Variants in MAEL observed in about 807,000 individuals in gnomAD.
MAEL encodes maelstrom spermatogenic transposon silencer, also known as protein maelstrom homolog.
A neutral mutation model predicts 62.0 loss-of-function variants in MAEL; 46 were observed. That is an observed-to-expected ratio of 0.74 (90% CI 0.59 to 0.95). The LOEUF is 0.95. MAEL is among the 40% of genes least tolerant of loss of function. MAEL has a pLI of 0.00. For missense variants in MAEL, 497 were observed against 526.8 expected (o/e 0.94, Z 0.55); for synonymous variants, 172 against 175.5 (o/e 0.98, Z 0.16).
chr1:167,003,546 T>C (rs886369972), intron 5 of MAEL, among the ~76,000 whole-genome samples: 1 of 152,204 alleles, frequency 6.6e-6, no homozygotes, highest in African/African-American at 2.4e-5. Context: ...CTAGAAGCTG[T>C]TAAAAGCACT....
upstream of MAEL, among the ~76,000 whole-genome samples, chr1:166,985,588 T>C (rs1260347183): frequency 2.0e-5 from 3 of 152,150 alleles, no homozygotes; most frequent in Non-Finnish European, 4.4e-5. Context: ...AAATTAGCCT[T>C]AAAGATTGCT....
At chr1:166,983,856 G>T (rs1374254137) in intron 1 of MAEL, among the ~76,000 whole-genome samples, 3 of 151,942 alleles carry the variant, frequency 2.0e-5, no homozygotes, top group Non-Finnish European at 4.4e-5. Context: ...ACAAAAATTA[G>T]CTGGGCATGG....
chr1:167,008,051 T>G (rs1331019954), intron 8 of MAEL, among the ~76,000 whole-genome samples: 3 of 152,138 alleles, frequency 2.0e-5, no homozygotes, highest in Non-Finnish European at 4.4e-5. Context: ...TATTCAGAAG[T>G]GTCACTTTAT....
chr1:166,994,111 A>C (rs761128954), intron 5 of MAEL, 42 bp downstream of exon 5: 2 of 1,532,236 alleles, frequency 1.3e-6, no homozygotes, highest in Non-Finnish European at 1.8e-6. Flanking sequence ...ACTTGAATCT[A>C]TTCATACCTG....
At chr1:166,983,436 T>C (rs1663818987) in intron 1 of MAEL, among the ~76,000 whole-genome samples, 1 of 152,182 alleles carries the variant, frequency 6.6e-6, no homozygotes, top group East Asian at 1.9e-4. Context: ...TTAAATACCA[T>C]CTTTATGTGG....
At position 166,989,369 on chromosome 1, in the gene MAEL, C is replaced by A. The variant is rs1664056413; in HGVS notation, c.17C>A (p.Ala6Asp). The A allele has an allele frequency of 6.2e-7, 1 of 1,610,064 alleles. No homozygotes were observed. ...CGCGCTGCCATGCCGAACCGTAAGG[C>A]CAGCCGGAATGCTTACTATTTCTTC... MPNRK[A>D]SRNAYYFFVQ... Residue 6 changes from alanine (A) to aspartate (D), a missense_variant, in exon 1 of 12, where the codon GCC becomes GAC. Physicochemically the swap from Ala to Asp is moderately radical, Grantham distance 126 (BLOSUM62 -2). Transcript: ENST00000367872.
chr1:166,992,818 AT>A lies in MAEL; in HGVS notation c.461del (p.Phe154SerfsTer5). 1 of 1,600,540 alleles carries A rather than the reference AT, an allele frequency of 6.2e-7. No homozygotes were observed. The highest frequency in any genetic ancestry group is 8.5e-7 in the Non-Finnish European group (1 of 1,175,686). On this transcript the variant is annotated frameshift_variant, in exon 4 of 12. Coordinates refer to ENST00000367872, the MANE Select transcript of MAEL (RefSeq NM_032858.3). LOFTEE classifies it high-confidence loss of function. ...TCTCTCCAAGAAGGTATTATGGCAG[AT>A]TTCCACAGTTTTATAAATCCTGGTA... ...KYSLQEGIMADFHSFINPGEI... is the reference protein window; with the variant it reads ...KYSLQEGIMAXFHSFINPGEI...
rs369981337 is a variant in MAEL, at chr1:167,005,268, A to C, written c.716A>C (p.Asp239Ala). The stretch of plus-strand genomic sequence containing the variant: ...TTACTAATGGAAGAAATCAGGCAAG[A>C]TCTACAACTTCTCACTGTAGAGGAC... ...HMAKASEIRQ[D>A]LQLLTVEDLV... is the part of the protein sequence containing the mutation. Residue 239 changes from aspartate to alanine, a missense_variant, in exon 8 of 12, where the codon GAT becomes GCT. Asp to Ala is a moderately radical substitution (Grantham distance 126, BLOSUM62 -2). Transcript: ENST00000367872. The C allele has an allele frequency of 1.1e-5, 17 of 1,613,138 alleles. No homozygotes were observed. Among genetic ancestry groups the C allele is most frequent in the Non-Finnish European group, 1.4e-5 (16 of 1,179,680 alleles).
chr1:167,013,288 G>A (rs1665246484), intron 8 of MAEL, among the ~76,000 whole-genome samples: 1 of 152,186 alleles, frequency 6.6e-6, no homozygotes, highest in Admixed American at 6.5e-5. Flanking sequence ...ACGTAGATGA[G>A]ATCACCTCGG....
chr1:166,990,971 A>G (rs1358036730), intron 2 of MAEL, among the ~76,000 whole-genome samples: 1 of 152,234 alleles, frequency 6.6e-6, no homozygotes, highest in Non-Finnish European at 1.5e-5. Context: ...AACTAAAGCT[A>G]TGGTGTATGT....
rs143519813 is a variant in MAEL, at chr1:167,004,421, C to T, written c.648+117C>T. 477 of 884,930 alleles carry T rather than the reference C, an allele frequency of 5.4e-4. 5 individuals are homozygous for T. In the African/African-American group the frequency reaches 7.5e-3, roughly 14 times the overall value. The allele number at this position is 884,930 out of a possible 1,614,324, so 54.8% of individuals were successfully genotyped here. A position where few individuals can be genotyped will look rare whatever the true frequency, so the allele number is the denominator to read the frequency against. On this transcript the variant is annotated intron_variant, in intron 6 of 11. Coordinates refer to ENST00000367872, the MANE Select transcript of MAEL (RefSeq NM_032858.3). ...TGTATATTGTGTGTCTTAAAACACA[C>T]TCATTTTGAATTGTTTTGAATGTAA...
At chr1:167,010,105 C>G (rs1016472074) in intron 8 of MAEL, among the ~76,000 whole-genome samples, 1 of 152,084 alleles carries the variant, frequency 6.6e-6, no homozygotes, top group Admixed American at 6.6e-5. Context: ...GGCGGTTCCC[C>G]CATGCTGTTC....
chr1:166,981,424 T>C (rs1257916482), intron 1 of MAEL, among the ~76,000 whole-genome samples: 2 of 152,150 alleles, frequency 1.3e-5, no homozygotes, highest in Non-Finnish European at 2.9e-5. Context: ...CGAATATGAA[T>C]TCAAAGATGA....
At chr1:167,017,749 G>C in intron 9 of MAEL, 78 bp from the exon 10 acceptor site, 1 of 1,377,988 alleles carries the variant, frequency 7.3e-7, no homozygotes. Flanking sequence ...CTTTCTTTTT[G>C]TTAGAGATTT....
intron 6 of MAEL, among the ~76,000 whole-genome samples, chr1:167,004,654 A>T (rs1250099112): frequency 6.6e-6 from 1 of 152,154 alleles, no homozygotes; most frequent in Non-Finnish European, 1.5e-5. Flanking sequence ...TTTTCTTCAA[A>T]ACTGTCTTTG....
intron 5 of MAEL, among the ~76,000 whole-genome samples, chr1:166,994,974 AT>A (rs944951589): frequency 5.0e-3 from 555 of 110,180 alleles, no homozygotes; most frequent in African/African-American, 0.011. Flanking sequence ...CCACCCAGTA[AT>A]TTTTTTTTTT....
intron 10 of MAEL, among the ~76,000 whole-genome samples, chr1:167,020,660 G>T (rs994567065): frequency 2.6e-5 from 4 of 151,844 alleles, no homozygotes; most frequent in African/African-American, 9.7e-5. Context: ...ACTCATCTAC[G>T]TGCATCTACC....
intron 1 of MAEL, among the ~76,000 whole-genome samples, chr1:166,979,859 C>T (rs1363589929): frequency 6.6e-6 from 1 of 151,920 alleles, no homozygotes; most frequent in Non-Finnish European, 1.5e-5. Context: ...AAAGGTCCAT[C>T]CAAGGATAAT....
At chr1:166,978,803 T>C (rs1478510269) in intron 1 of MAEL, among the ~76,000 whole-genome samples, 1 of 152,200 alleles carries the variant, frequency 6.6e-6, no homozygotes, top group East Asian at 1.9e-4. Context: ...ATAGAGAGAT[T>C]GATTCATCAC....
Sources: allele counts gnomAD v4.1 joint callset (sites outside exome capture counted in the v4.1 genomes callset), GRCh38; gene constraint gnomAD v4.1.1; transcripts MANE v1.5; gene names NCBI Gene and HGNC (gene_info 2026-07-23, HGNC 2026-07-21).